Variants in SMYD3 observed in about 807,000 individuals in gnomAD.
SMYD3 encodes SET and MYND domain containing 3.
Under a neutral mutation model 57.7 loss-of-function variants are expected in SMYD3, and 36 were observed. The observed-to-expected ratio is 0.62, with a 90% CI of 0.48 to 0.82. SMYD3 has a LOEUF of 0.82. SMYD3 is among the 40% of genes least tolerant of loss of function. The pLI, the probability that SMYD3 is intolerant of heterozygous loss-of-function variation, is 0.00. For missense variants in SMYD3, 515 were observed against 538.8 expected (o/e 0.96, Z 0.44); for synonymous variants, 211 against 195.0 (o/e 1.08, Z -0.68).
chr1:245,911,748 G>A (rs2055006420), intron 8 of SMYD3, among the ~76,000 whole-genome samples: 1 of 152,030 alleles, frequency 6.6e-6, no homozygotes, highest in South Asian at 2.1e-4. Flanking sequence ...GTAGGTAGAG[G>A]GATTAAGAGG....
At position 245,790,640 on chromosome 1, in the gene SMYD3, T is replaced by C. The variant is rs1328789889; in HGVS notation, c.1077-26491A>G. On this transcript the variant is annotated intron_variant, in intron 10 of 11. Coordinates refer to ENST00000490107, the MANE Select transcript of SMYD3 (RefSeq NM_001167740.2). ...CTTTTGGTCAGAGGGAGAGCCTCAT[T>C]TCTGAAGCAGGAATTTCTGCCACAG... is the stretch of plus-strand genomic sequence containing the variant. Among the ~76,000 whole-genome samples, 7 of 152,212 alleles carry C rather than the reference T, an allele frequency of 4.6e-5. 1 individual carries two copies. The highest frequency in any genetic ancestry group is 4.6e-4 in the Admixed American group (7 of 15,282).
chr1:245,881,540 A>G (rs1459960219), intron 8 of SMYD3, among the ~76,000 whole-genome samples: 1 of 152,212 alleles, frequency 6.6e-6, no homozygotes, highest in East Asian at 1.9e-4. Flanking sequence ...TGCTAGGCAA[A>G]TAACAGTATT....
At chr1:246,086,107 A>G (rs1017434997) in intron 5 of SMYD3, among the ~76,000 whole-genome samples, 1 of 151,774 alleles carries the variant, frequency 6.6e-6, no homozygotes, top group Admixed American at 6.6e-5. Context: ...ATCCCAACAT[A>G]ATTATTAAGA....
intron 5 of SMYD3, among the ~76,000 whole-genome samples, chr1:246,248,180 T>C (rs2148492266): frequency 6.6e-6 from 1 of 152,260 alleles, no homozygotes; most frequent in Middle Eastern, 3.4e-3. Context: ...AAAGCAACCG[T>C]AAGAAAATAA....
chr1:245,933,658 C>T (rs543941056), intron 5 of SMYD3, among the ~76,000 whole-genome samples: 1 of 152,218 alleles, frequency 6.6e-6, no homozygotes, highest in East Asian at 1.9e-4. Context: ...AGCAATTCCC[C>T]GGTAGATTAG....
intron 5 of SMYD3, chr1:246,193,777 C>G (rs2062781707): frequency 6.6e-6 from 1 of 152,294 alleles, no homozygotes; most frequent in Non-Finnish European, 1.5e-5. Flanking sequence ...TTCTTCCGAG[C>G]CGCAGACGGC....
intron 5 of SMYD3, among the ~76,000 whole-genome samples, chr1:245,988,782 T>C (rs1302949011): frequency 1.3e-5 from 2 of 152,218 alleles, no homozygotes; most frequent in African/African-American, 4.8e-5. Flanking sequence ...GCTGAGCATG[T>C]GTCCAAAATT....
intron 10 of SMYD3, among the ~76,000 whole-genome samples, chr1:245,814,784 T>C (rs1330497846): frequency 6.6e-6 from 1 of 151,914 alleles, no homozygotes; most frequent in Non-Finnish European, 1.5e-5. Context: ...TCCTCTCAAA[T>C]GACCTTATCC....
chr1:245,922,515 T>G (rs953375947), intron 7 of SMYD3, among the ~76,000 whole-genome samples: 1 of 152,214 alleles, frequency 6.6e-6, no homozygotes, highest in African/African-American at 2.4e-5. Context: ...CAAAGACCAA[T>G]TATTCTGCTT....
At chr1:245,974,164 C>A (rs891645590) in intron 5 of SMYD3, among the ~76,000 whole-genome samples, 1 of 152,122 alleles carries the variant, frequency 6.6e-6, no homozygotes, top group African/African-American at 2.4e-5. Flanking sequence ...CTCACTCTGA[C>A]ACTTGTGTAC....
intron 2 of SMYD3, among the ~76,000 whole-genome samples, chr1:246,350,734 G>C (rs1385464932): frequency 1.3e-5 from 2 of 152,046 alleles, no homozygotes; most frequent in African/African-American, 4.8e-5. Context: ...TGGAGACGGA[G>C]TCTTGAGAAG....
chr1:245,818,820 G>A (rs1451866621), intron 10 of SMYD3, among the ~76,000 whole-genome samples: 2 of 151,532 alleles, frequency 1.3e-5, no homozygotes, highest in Non-Finnish European at 2.9e-5. Flanking sequence ...ATGGTAAAGG[G>A]ATGAATTCAA....
At chr1:245,997,133 G>A (rs1427880858) in intron 5 of SMYD3, among the ~76,000 whole-genome samples, 1 of 138,072 alleles carries the variant, frequency 7.2e-6, no homozygotes, top group Non-Finnish European at 1.6e-5. Flanking sequence ...ATGAAACACT[G>A]GCCCTACACG....
At chr1:245,883,051 T>A (rs1322483913) in intron 8 of SMYD3, among the ~76,000 whole-genome samples, 1 of 152,234 alleles carries the variant, frequency 6.6e-6, no homozygotes, top group African/African-American at 2.4e-5. Context: ...TTGCCCATAA[T>A]TGACAATATT....
intron 5 of SMYD3, among the ~76,000 whole-genome samples, chr1:246,070,704 G>T (rs149886445): frequency 2.0e-5 from 3 of 152,182 alleles, no homozygotes; most frequent in Non-Finnish European, 2.9e-5. Context: ...TTGTGTTTAC[G>T]TTCACCTAAG....
intron 5 of SMYD3, among the ~76,000 whole-genome samples, chr1:246,153,449 G>T (rs944744170): frequency 7.3e-6 from 1 of 136,838 alleles, no homozygotes; most frequent in African/African-American, 2.6e-5. Context: ...GGGAGGGAGG[G>T]AAATATATTT....
chr1:246,487,710 T>C (rs569492183), intron 1 of SMYD3, among the ~76,000 whole-genome samples: 10 of 151,760 alleles, frequency 6.6e-5, no homozygotes, highest in African/African-American at 2.4e-4. Flanking sequence ...TTTTTTTTTT[T>C]TGAGATGGAG....
At position 246,192,187 on chromosome 1, in the gene SMYD3, T is replaced by TACCTGAG. The variant is rs2062749395; in HGVS notation, c.531+135007_531+135013dup. 3.3e-5 allele frequency among the ~76,000 whole-genome samples: 5 copies of TACCTGAG among 152,236 alleles called. No individual in the cohort carries two copies. The South Asian group carries it at 1.0e-3, about 32-fold the overall frequency. On this transcript the variant is annotated intron_variant, in intron 5 of 11. Coordinates refer to ENST00000490107, the MANE Select transcript of SMYD3 (RefSeq NM_001167740.2). ...TATTATAGCTCACTGTAGCCTTGAA[T>TACCTGAG]ACCTGAGCTCAAGCGATCCTCCTTC...
chr1:245,961,286 C>T (rs973317641), intron 5 of SMYD3, among the ~76,000 whole-genome samples: 7 of 152,262 alleles, frequency 4.6e-5, no homozygotes, highest in African/African-American at 1.7e-4. Flanking sequence ...AGTTCCCTTC[C>T]ATTTTTTACT....
Sources: allele counts gnomAD v4.1 joint callset (sites outside exome capture counted in the v4.1 genomes callset), GRCh38; gene constraint gnomAD v4.1.1; transcripts MANE v1.5; gene names NCBI Gene and HGNC (gene_info 2026-07-23, HGNC 2026-07-21).